The following NCKAP5 variants were observed in gnomAD, a reference collection of about 807,000 sequenced individuals.
The protein encoded by NCKAP5 is NCK associated protein 5.
A neutral mutation model predicts 167.0 loss-of-function variants in NCKAP5; 92 were observed. The observed-to-expected ratio is 0.55, with a 90% confidence interval of 0.47 to 0.66. The LOEUF (loss-of-function observed/expected upper bound fraction) is 0.66, where lower values mean the gene tolerates loss of function less well. NCKAP5 is among the 30% of genes least tolerant of loss of function. The pLI is 0.00. For missense variants in NCKAP5, 2,378 were observed against 2,315.0 expected, an observed-to-expected ratio of 1.03 and a Z score of -0.56; for synonymous variants, 891 against 877.4, an observed-to-expected ratio of 1.02 and a Z score of -0.27.
intron 3 of NCKAP5, among the ~76,000 whole-genome samples, chr2:133,351,951 T>C (rs1684392129): frequency 6.6e-6 from 1 of 152,200 alleles, no homozygotes; most frequent in Non-Finnish European, 1.5e-5. Context: ...AAAATGATGC[T>C]GTTAAAATGT....
chr2:133,069,947 C>T (rs1016593109), intron 6 of NCKAP5, among the ~76,000 whole-genome samples: 1 of 151,548 alleles, frequency 6.6e-6, no homozygotes, highest in Non-Finnish European at 1.5e-5. Context: ...TTTTATATTC[C>T]AAAATGAAAA....
intron 3 of NCKAP5, among the ~76,000 whole-genome samples, chr2:133,420,903 C>T (rs528401870): frequency 1.3e-5 from 2 of 152,304 alleles, no homozygotes; most frequent in East Asian, 3.9e-4. Flanking sequence ...AGTCACGCAG[C>T]GTTTTCTCCT....
intron 3 of NCKAP5, among the ~76,000 whole-genome samples, chr2:133,353,451 C>A (rs1684497455): frequency 6.6e-6 from 1 of 152,192 alleles, no homozygotes; most frequent in Non-Finnish European, 1.5e-5. Context: ...GAAGTCACAT[C>A]AACCTGACTT....
At chr2:132,956,569 G>A (rs6726055) in intron 8 of NCKAP5, among the ~76,000 whole-genome samples, 26,425 of 152,072 alleles carry the variant, frequency 0.17, 2,805 homozygotes, top group Admixed American at 0.37. Flanking sequence ...ACTAGAACAC[G>A]GCCATTGGCA....
chr2:133,066,200 A>C (rs182496782), intron 6 of NCKAP5, among the ~76,000 whole-genome samples: 2 of 152,356 alleles, frequency 1.3e-5, no homozygotes, highest in Admixed American at 6.5e-5. Context: ...GGTGAAAGAC[A>C]AATTAAAGGC....
rs781403966 is a variant in NCKAP5 at position 132,994,181 on chromosome 2, C to A, written c.400G>T (p.Glu134Ter). Residue 134 changes from glutamate to a stop codon, truncating the protein, a stop_gained, in exon 7 of 20, where the codon GAA (glutamate) becomes TAA (stop). Coordinates refer to ENST00000409261, the MANE Select transcript of NCKAP5 (RefSeq NM_207363.3). LOFTEE classifies it high-confidence loss of function. The part of the protein sequence containing the change: ...QSQGSPEQKK[E>*]ETVNIMVYQE... ...TAGACCATTATATTAACAGTTTCTTCTTTTTTCTGCTCTGGAGATCCTTGA... is the reference window on the plus strand; with the variant it reads ...TAGACCATTATATTAACAGTTTCTTATTTTTTCTGCTCTGGAGATCCTTGA... 2 of 1,588,940 alleles carry A rather than the reference C, an allele frequency of 1.3e-6. No homozygotes were observed. Among genetic ancestry groups the A allele is most frequent in the East Asian group, 2.3e-5 (1 of 44,216 alleles).
At chr2:133,281,478 C>G (rs1182226741) in intron 4 of NCKAP5, among the ~76,000 whole-genome samples, 1 of 151,950 alleles carries the variant, frequency 6.6e-6, no homozygotes, top group East Asian at 1.9e-4. Context: ...TATCAAGAAG[C>G]CTGGGCCTCA....
At chr2:133,022,503 G>A (rs1198769346) in intron 6 of NCKAP5, among the ~76,000 whole-genome samples, 2 of 152,174 alleles carry the variant, frequency 1.3e-5, no homozygotes, top group Non-Finnish European at 2.9e-5. Flanking sequence ...GGATCCTCCA[G>A]GGGCGGCTCA....
chr2:133,645,846 G>A, the NCKAP5 span, among the ~76,000 whole-genome samples: 1 of 151,886 alleles, frequency 6.6e-6, no homozygotes, highest in Non-Finnish European at 1.5e-5. Flanking sequence ...TATTAGAAAT[G>A]CAAGGATAAA....
intron 3 of NCKAP5, among the ~76,000 whole-genome samples, chr2:133,366,427 C>T (rs374593871): frequency 3.3e-5 from 5 of 152,000 alleles, no homozygotes; most frequent in Admixed American, 2.0e-4. Flanking sequence ...CTCAACCTCC[C>T]GAGTAGCTGG....
chr2:133,539,130 C>T (rs542406675), intron 2 of NCKAP5, among the ~76,000 whole-genome samples: 3 of 151,862 alleles, frequency 2.0e-5, no homozygotes, highest in South Asian at 2.1e-4. Flanking sequence ...TTAGTAGAGA[C>T]GGGGTTTCAC....
At chr2:133,548,460 G>A (rs935334680) in intron 2 of NCKAP5, among the ~76,000 whole-genome samples, 2 of 150,918 alleles carry the variant, frequency 1.3e-5, no homozygotes, top group African/African-American at 2.4e-5. Context: ...AGGAAAAAAT[G>A]TTAAGGGCAG....
At chr2:133,407,555 C>T (rs376918274) in intron 3 of NCKAP5, among the ~76,000 whole-genome samples, 2 of 152,248 alleles carry the variant, frequency 1.3e-5, no homozygotes, top group African/African-American at 4.8e-5. Context: ...GGCGCTGTGC[C>T]GGCCACTTAA....
chr2:132,922,929 T>C (rs1342567302), intron 8 of NCKAP5, among the ~76,000 whole-genome samples: 1 of 152,198 alleles, frequency 6.6e-6, no homozygotes, highest in East Asian at 1.9e-4. Context: ...ATTTCAGGAG[T>C]GGGGGCTGGA....
At chr2:133,114,658 C>A (rs886180881) in intron 6 of NCKAP5, among the ~76,000 whole-genome samples, 3 of 152,134 alleles carry the variant, frequency 2.0e-5, no homozygotes, top group African/African-American at 7.2e-5. Context: ...TATTCTTGAT[C>A]TATAGGTTTT....
chr2:132,722,084 C>T (rs1156623382), intron 19 of NCKAP5, among the ~76,000 whole-genome samples: 1 of 152,212 alleles, frequency 6.6e-6, no homozygotes, highest in African/African-American at 2.4e-5. Flanking sequence ...AGTAAATTTA[C>T]TGTTCATCAT....
At chr2:133,077,468 T>C (rs1477569763) in intron 6 of NCKAP5, among the ~76,000 whole-genome samples, 1 of 152,190 alleles carries the variant, frequency 6.6e-6, no homozygotes, top group Non-Finnish European at 1.5e-5. Context: ...ATTTCACAAC[T>C]TCACATGTTC....
intron 3 of NCKAP5, among the ~76,000 whole-genome samples, chr2:133,483,636 G>A (rs985253793): frequency 5.3e-5 from 8 of 150,036 alleles, no homozygotes; most frequent in South Asian, 2.2e-4. Context: ...AAGGGGGGGG[G>A]GCTTTTTCTC....
chr2:133,518,107 T>C lies in NCKAP5; in HGVS notation c.-61-520A>G, dbSNP rs146680350. 1.3e-3 allele frequency among the ~76,000 whole-genome samples: 205 copies of C among 152,262 alleles called. 1 individual carries two copies. Among genetic ancestry groups the C allele is most frequent in the African/African-American group, 4.6e-3 (193 of 41,560 alleles). On this transcript the variant is annotated intron_variant, in intron 2 of 19. Coordinates refer to ENST00000409261, the MANE Select transcript of NCKAP5 (RefSeq NM_207363.3). ...ATTGTAAGATACATTCCTTTGGGGA[T>C]AGATTGATTCAAAATGAATGGTGGG...
Sources: gnomAD v4.1 joint callset for allele counts (sites outside exome capture counted in the v4.1 genomes callset) on GRCh38, gnomAD v4.1.1 for gene constraint, MANE v1.5 for transcripts, NCBI Gene and HGNC (gene_info 2026-07-23, HGNC 2026-07-21) for gene names.